The following SLC12A4 variants were observed in gnomAD, a reference collection of about 807,000 sequenced individuals.
SLC12A4 encodes solute carrier family 12 member 4.
SLC12A4 carries 84 observed loss-of-function variants against 119.2 expected under a neutral mutation model. That is an observed-to-expected ratio of 0.70 (90% CI 0.59 to 0.85). The LOEUF (loss-of-function observed/expected upper bound fraction) is 0.85, where lower values mean the gene tolerates loss of function less well. Ranked by LOEUF, SLC12A4 falls within the 40% of genes least tolerant of loss-of-function variation. SLC12A4 has a pLI of 0.00. For missense variants in SLC12A4, 1,298 were observed against 1,476.3 expected, an observed-to-expected ratio of 0.88 and a Z score of 1.98; for synonymous variants, 599 against 604.6, an observed-to-expected ratio of 0.99 and a Z score of 0.14.
At chr16:67,964,745 A>AATT (rs2030783388) in intron 1 of SLC12A4, among the ~76,000 whole-genome samples, 1 of 152,066 alleles carries the variant, frequency 6.6e-6, no homozygotes, top group South Asian at 2.1e-4. Context: ...ATGCCCGCCA[A>AATT]CCTTTTCTGT....
intron 1 of SLC12A4, chr16:67,964,131 G>A: frequency 1.3e-6 from 2 of 1,486,302 alleles, no homozygotes; most frequent in Non-Finnish European, 1.8e-6. Context: ...CCAGGCCGTG[G>A]AGAGCGGAAG....
chr16:67,958,050 C>T lies in SLC12A4; in HGVS notation c.343-6G>A, dbSNP rs367670740. ...AGGGTGCCCATGCTGGGTGCCTATG[C>T]GAACACAAAGGGAGGGGGCGAGTAG... On this transcript the variant is annotated splice_region_variant and splice_polypyrimidine_tract_variant and intron_variant, in intron 3 of 23. Transcript: ENST00000316341. The T allele has an allele frequency of 1.1e-5, 18 of 1,612,838 alleles. No individual in the cohort carries two copies. Among genetic ancestry groups the T allele is most frequent in the Middle Eastern group, 1.6e-4 (1 of 6,074 alleles).
rs943030497 is a variant in SLC12A4 at position 67,944,296 on chromosome 16, G to A, written c.*544C>T. 3.3e-5 allele frequency: 47 copies of A among 1,411,132 alleles called. No homozygotes were observed. The highest frequency in any genetic ancestry group is 3.9e-5 in the Non-Finnish European group (42 of 1,084,638). 87.4% of individuals were successfully genotyped at this position (1,411,132 alleles called of 1,614,324 possible). A position where few individuals can be genotyped will look rare whatever the true frequency, so the allele number is the denominator to read the frequency against. ...TTCAGTTCCGCCTTCTTCTCTTGGC[G>A]CCAGGGGAAACAGAGCCGGGGCAGC... On this transcript the variant is annotated 3_prime_UTR_variant, in exon 24 of 24. Coordinates refer to ENST00000316341, the MANE Select transcript of SLC12A4 (RefSeq NM_005072.5). This position sits in a 1 kb window ranked among gnomAD's most constrained non-coding sequence, Gnocchi z 6.6.
In SLC12A4 at chr16:67,963,988, C is replaced by G. The variant is rs1046728798; in HGVS notation, c.116-429G>C. ...TCAGGGACCGCCCAGGCAGTGCCCTCCAGATAGACGAAGCCGCACACAGCA... is the reference window on the plus strand; with the variant it reads ...TCAGGGACCGCCCAGGCAGTGCCCTGCAGATAGACGAAGCCGCACACAGCA... On this transcript the variant is annotated intron_variant, in intron 1 of 23. Coordinates refer to ENST00000316341, the MANE Select transcript of SLC12A4 (RefSeq NM_005072.5). The G allele has an allele frequency of 1.9e-6, 3 of 1,551,308 alleles. No individual in the cohort carries two copies. In the African/African-American group the frequency reaches 4.1e-5, roughly 21 times the overall value.
Position 67,944,807 on chromosome 16 carries a change from AC to A in SLC12A4, c.*32del. On this transcript the variant is annotated 3_prime_UTR_variant, in exon 24 of 24. Coordinates refer to ENST00000316341, the MANE Select transcript of SLC12A4 (RefSeq NM_005072.5). The surrounding 1 kb of genome is among the most constrained non-coding windows in gnomAD (Gnocchi z 6.6). ...CACAGCTTGTTATGTCCTGGCCAAG[AC>A]CTCGACTCCAGGCCACAAGATGACA... The A allele has an allele frequency of 6.2e-7, 1 of 1,609,814 alleles. No homozygotes were observed. Among genetic ancestry groups the A allele is most frequent in the African/African-American group, 1.3e-5 (1 of 74,934 alleles).
At chr16:67,968,366 C>A (rs557332351) in intron 1 of SLC12A4, 73 bp downstream of exon 1, 12 of 1,352,872 alleles carry the variant, frequency 8.9e-6, no homozygotes, top group South Asian at 6.9e-5. Flanking sequence ...TAGGTGCGGG[C>A]GCGGGCCCGG....
chr16:67,954,602 T>G lies in SLC12A4; in HGVS notation c.675+41A>C, dbSNP rs542435584. 7 of 1,612,674 alleles carry G rather than the reference T, an allele frequency of 4.3e-6. No individual in the cohort carries two copies. The Admixed American group carries it at 1.2e-4, about 27-fold the overall frequency. ...TCTGTTTGGAGTCCAAAGGGACTGT[T>G]TGGACATGGCCAGAGTTGGCCAGGG... On this transcript the variant is annotated intron_variant, in intron 6 of 23. Transcript: ENST00000316341.
chr16:67,968,643 G>A (rs1421843848), upstream of SLC12A4: 19 of 1,283,478 alleles, frequency 1.5e-5, no homozygotes, highest in Non-Finnish European at 1.9e-5. Context: ...GACACGCCCC[G>A]CCCGCTCGCA....
At chr16:67,959,269 T>C (rs2030438585) in intron 3 of SLC12A4, among the ~76,000 whole-genome samples, 1 of 151,838 alleles carries the variant, frequency 6.6e-6, no homozygotes, top group African/African-American at 2.4e-5. Context: ...CCCCCAAGAG[T>C]GCAGCCTCCG....
Position 67,950,276 on chromosome 16 carries a change from GC to G in SLC12A4, c.1629+42del, listed in dbSNP as rs1363331978. 2.7e-5 allele frequency: 43 copies of G among 1,598,752 alleles called. No individual in the cohort carries two copies. The highest frequency in any genetic ancestry group is 3.6e-5 in the Non-Finnish European group (42 of 1,171,204). ...TATCTCTCTCCCCAGCCGGGCGAGGGCCTGGGAGCAGCCAGGCCATGGGGGA... is the reference window on the plus strand; with the variant it reads ...TATCTCTCTCCCCAGCCGGGCGAGGGCTGGGAGCAGCCAGGCCATGGGGGA... On this transcript the variant is annotated intron_variant, in intron 12 of 23. Transcript: ENST00000316341. This position sits in a 1 kb window ranked among gnomAD's most constrained non-coding sequence, Gnocchi z 4.3.
At position 67,944,432 on chromosome 16, in the gene SLC12A4, T is replaced by A; in HGVS notation, c.*408A>T. On this transcript the variant is annotated 3_prime_UTR_variant, in exon 24 of 24. Coordinates refer to ENST00000316341, the MANE Select transcript of SLC12A4 (RefSeq NM_005072.5). The surrounding 1 kb of genome is among the most constrained non-coding windows in gnomAD (Gnocchi z 6.6). The stretch of plus-strand genomic sequence containing the variant: ...CCTGCCCATAGTAGACTGAGCCAGA[T>A]CTTCCTGCAGGCAGCTGGGCTGGAC... The A allele has an allele frequency of 7.9e-7, 1 of 1,263,978 alleles. No homozygotes were observed. The highest frequency in any genetic ancestry group is 1.0e-6 in the Non-Finnish European group (1 of 1,003,238). 78.3% of individuals were successfully genotyped at this position (1,263,978 alleles called of 1,614,324 possible).
Position 67,946,970 on chromosome 16 carries a change from C to G in SLC12A4, c.2208G>C (p.Leu736Phe). 1.2e-6 allele frequency: 2 copies of G among 1,613,280 alleles called. No homozygotes were observed. Among genetic ancestry groups the G allele is most frequent in the Non-Finnish European group, 1.7e-6 (2 of 1,180,020 alleles). Residue 736 changes from leucine to phenylalanine, a missense_variant, in exon 17 of 24, where the codon TTG (leucine) becomes TTC (phenylalanine). Transcript: ENST00000316341. The stretch of plus-strand genomic sequence containing the variant: ...CGGCCTGAGCCTCGCCATAGCTCTC[C>G]AAGAAGCTCCCCTGGATGACAGAAC... Reference protein sequence around the residue: ...IVGSVIQGSFLESYGEAQAAE... With the variant: ...IVGSVIQGSFFESYGEAQAAE...
At position 67,944,132 on chromosome 16, in the gene SLC12A4, C is replaced by T. The variant is rs931474374; in HGVS notation, c.*708G>A. 18 of 1,544,600 alleles carry T rather than the reference C, an allele frequency of 1.2e-5. No homozygotes were observed. The Admixed American group carries it at 2.2e-4, about 19-fold the overall frequency. ...CCCTGGTGCCTACTGCCAGAGAAAG[C>T]GGCACTGGGCTGTCCTTATCTGGTG... On this transcript the variant is annotated 3_prime_UTR_variant, in exon 24 of 24. Coordinates refer to ENST00000316341, the MANE Select transcript of SLC12A4 (RefSeq NM_005072.5). This position sits in a 1 kb window ranked among gnomAD's most constrained non-coding sequence, Gnocchi z 6.6.
rs778036954 is a variant in SLC12A4 at position 67,945,965 on chromosome 16, C to T, written c.2725G>A (p.Glu909Lys). 5.6e-6 allele frequency: 9 copies of T among 1,613,712 alleles called. No individual in the cohort carries two copies. The highest frequency in any genetic ancestry group is 7.6e-6 in the Non-Finnish European group (9 of 1,179,710). The change falls in exon 20 of 24, where the codon GAG (glutamate) becomes AAG (lysine). Residue 909 changes from glutamate to lysine, a missense_variant. Coordinates refer to ENST00000316341, the MANE Select transcript of SLC12A4 (RefSeq NM_005072.5). Reference protein sequence around the residue: ...LYHLRLEAEVEVVEMHNSDIS... With the variant: ...LYHLRLEAEVKVVEMHNSDIS... ...AGAGGGCTCACCATCTCCACCACCT[C>T]CACCTCGGCCTCAAGGCGCAGATGG...
At chr16:67,957,432 G>C in intron 5 of SLC12A4, 1 of 307,536 alleles carries the variant, frequency 3.3e-6, no homozygotes, top group East Asian at 7.9e-5. Context: ...GCCTCCCAAA[G>C]TGCTGGGATT....
chr16:67,945,326 C>T lies in SLC12A4; in HGVS notation c.3032+43G>A, dbSNP rs368772013. 75 of 1,586,004 alleles carry T rather than the reference C, an allele frequency of 4.7e-5. No homozygotes were observed. In the Middle Eastern group the frequency reaches 6.8e-4, roughly 14 times the overall value. On this transcript the variant is annotated intron_variant, in intron 22 of 23. Coordinates refer to ENST00000316341, the MANE Select transcript of SLC12A4 (RefSeq NM_005072.5). Reference sequence around the variant, plus strand: ...CTTGTCTGCCCCACCCCACCTCCACCCCTAGATTCCAGTGCCGCTGGGGCT... The same window carrying T: ...CTTGTCTGCCCCACCCCACCTCCACTCCTAGATTCCAGTGCCGCTGGGGCT...
chr16:67,960,316 C>T (rs1178077477), intron 3 of SLC12A4, among the ~76,000 whole-genome samples: 1 of 152,216 alleles, frequency 6.6e-6, no homozygotes, highest in Non-Finnish European at 1.5e-5. Flanking sequence ...GACACCCCTG[C>T]AGTGCTGGAC....
At position 67,950,734 on chromosome 16, in the gene SLC12A4, T is replaced by G. The variant is rs201556860; in HGVS notation, c.1397-23A>C. 4 of 1,593,150 alleles carry G rather than the reference T, an allele frequency of 2.5e-6. No homozygotes were observed. In the South Asian group the frequency reaches 3.4e-5, roughly 14 times the overall value. On this transcript the variant is annotated intron_variant, in intron 10 of 23. Coordinates refer to ENST00000316341, the MANE Select transcript of SLC12A4 (RefSeq NM_005072.5). The surrounding 1 kb of genome is among the most constrained non-coding windows in gnomAD (Gnocchi z 4.3). ...AGTCTGCGGCGGCGTCAAGGAAAAC[T>G]CGGCCTCTGCCACCCCACTGTCCCT... is the stretch of plus-strand genomic sequence containing the variant.
chr16:67,945,253 T>A, intron 22 of SLC12A4, 33 bp from the exon 23 acceptor site: 1 of 1,552,478 alleles, frequency 6.4e-7, no homozygotes, highest in Non-Finnish European at 8.7e-7. Context: ...CAGGTCGCCA[T>A]GAGCCATCCT....
Sources: gnomAD v4.1 joint callset for allele counts (sites outside exome capture counted in the v4.1 genomes callset) on GRCh38, gnomAD v4.1.1 for gene constraint, Gnocchi (gnomAD v3.1) non-coding constraint, MANE v1.5 for transcripts, NCBI Gene and HGNC (gene_info 2026-07-23, HGNC 2026-07-21) for gene names.